BNC2: variants seen among roughly 807,000 people sequenced by gnomAD.
The protein encoded by BNC2 is basonuclin zinc finger protein 2.
BNC2 carries 20 observed loss-of-function variants against 76.3 expected under a neutral mutation model. The observed-to-expected ratio is 0.26, with a 90% CI of 0.18 to 0.38. BNC2 has a LOEUF of 0.38. Ranked by LOEUF, BNC2 falls within the 10% of genes least tolerant of loss-of-function variation. BNC2 has a pLI of 1.00. For synonymous variants in BNC2, 582 were observed against 514.8 expected, an observed-to-expected ratio of 1.13 and a Z score of -1.77; for missense variants, 1,382 against 1,399.8, an observed-to-expected ratio of 0.99 and a Z score of 0.20.
At chr9:16,789,597 T>C (rs1364769220) in intron 1 of BNC2, among the ~76,000 whole-genome samples, 2 of 152,128 alleles carry the variant, frequency 1.3e-5, no homozygotes, top group Non-Finnish European at 2.9e-5. Flanking sequence ...TCTCCCTGCT[T>C]CTCCCACCTC....
At chr9:16,726,542 T>TA (rs1394067769) in intron 3 of BNC2, among the ~76,000 whole-genome samples, 2 of 132,712 alleles carry the variant, frequency 1.5e-5, no homozygotes, top group African/African-American at 2.8e-5. Context: ...CGTGAACTCT[T>TA]ACAAACAAAA....
At chr9:16,516,544 G>T (rs916368522) in intron 5 of BNC2, among the ~76,000 whole-genome samples, 1 of 152,102 alleles carries the variant, frequency 6.6e-6, no homozygotes, top group African/African-American at 2.4e-5. Context: ...CCCCAATACA[G>T]GGTGAGAACT....
chr9:16,719,599 G>A (rs1316027945), intron 3 of BNC2, among the ~76,000 whole-genome samples: 2 of 152,156 alleles, frequency 1.3e-5, no homozygotes, highest in Non-Finnish European at 2.9e-5. Context: ...AAAAAGCACA[G>A]CAGGTAACAA....
At chr9:16,847,964 G>A (rs1819028758) in intron 1 of BNC2, among the ~76,000 whole-genome samples, 1 of 152,106 alleles carries the variant, frequency 6.6e-6, no homozygotes, top group South Asian at 2.1e-4. Context: ...AATCTCAAAA[G>A]ACTGAAACAA....
At chr9:16,507,073 C>T (rs1192575659) in intron 5 of BNC2, among the ~76,000 whole-genome samples, 2 of 151,986 alleles carry the variant, frequency 1.3e-5, no homozygotes, top group East Asian at 3.9e-4. Context: ...CTATAAGGCC[C>T]GCCTGACCTT....
chr9:16,810,379 A>G (rs1318221450), intron 1 of BNC2, among the ~76,000 whole-genome samples: 1 of 152,206 alleles, frequency 6.6e-6, no homozygotes, highest in African/African-American at 2.4e-5. Flanking sequence ...GGAGTCGTGA[A>G]AAGACCAGTC....
intron 1 of BNC2, among the ~76,000 whole-genome samples, chr9:16,793,231 C>T (rs1817559768): frequency 6.6e-6 from 1 of 152,206 alleles, no homozygotes; most frequent in Admixed American, 6.5e-5. Context: ...CAACACTTTA[C>T]ATTCTTTTTT....
In BNC2 at chr9:16,417,351, CCT is replaced by C. The variant is rs1258102063; in HGVS notation, c.*1636_*1637del. 6.6e-6 allele frequency: 1 copy of C among 152,460 alleles called. No homozygotes were observed. The highest frequency in any genetic ancestry group is 1.5e-5 in the Non-Finnish European group (1 of 68,052). 9.4% of individuals were successfully genotyped at this position (152,460 alleles called of 1,614,324 possible). A position where few individuals can be genotyped will look rare whatever the true frequency, so the allele number is the denominator to read the frequency against. ...AAAAGGTTTGGAGAATAGTCTCTCT[CCT>C]CTTTCTCACTCTCAATTGCTTGGTT... On this transcript the variant is annotated 3_prime_UTR_variant, in exon 7 of 7. Transcript: ENST00000380672.
chr9:16,744,872 T>A (rs1172688896), intron 1 of BNC2, among the ~76,000 whole-genome samples: 4 of 152,220 alleles, frequency 2.6e-5, no homozygotes, highest in African/African-American at 9.6e-5. Context: ...TATGCAAACA[T>A]ATGTACATGA....
chr9:16,617,926 C>T (rs898554405), intron 3 of BNC2, among the ~76,000 whole-genome samples: 13 of 152,322 alleles, frequency 8.5e-5, no homozygotes, highest in Non-Finnish European at 1.5e-4. Flanking sequence ...CAAACCTAAG[C>T]AGCCTGGCTC....
intron 2 of BNC2, among the ~76,000 whole-genome samples, chr9:16,732,577 A>C (rs1404418404): frequency 1.3e-5 from 2 of 152,214 alleles, no homozygotes; most frequent in African/African-American, 4.8e-5. Flanking sequence ...TGGTTCACAG[A>C]ACAATACCTG....
At chr9:16,512,862 G>A (rs913918144) in intron 5 of BNC2, among the ~76,000 whole-genome samples, 3 of 152,112 alleles carry the variant, frequency 2.0e-5, no homozygotes, top group East Asian at 1.9e-4. Flanking sequence ...ATGGCTGGGC[G>A]TGGTGGCTCA....
At chr9:16,644,721 G>T (rs1356948987) in intron 3 of BNC2, among the ~76,000 whole-genome samples, 1 of 152,192 alleles carries the variant, frequency 6.6e-6, no homozygotes, top group East Asian at 1.9e-4. Flanking sequence ...CAGAAAGACA[G>T]TAAATAAGTA....
At chr9:16,429,833 C>G in intron 6 of BNC2, 1 of 452,712 alleles carries the variant, frequency 2.2e-6, no homozygotes, top group Non-Finnish European at 4.4e-6. Flanking sequence ...TGGTGCAGTT[C>G]TTGTAGTGGA....
At chr9:16,865,035 G>GA (rs5896712) in intron 1 of BNC2, among the ~76,000 whole-genome samples, 10,802 of 130,946 alleles carry the variant, frequency 0.082, 597 homozygotes, top group Admixed American at 0.18. Flanking sequence ...GCTTTGGACT[G>GA]AAAAAAAAAA....
intron 1 of BNC2, among the ~76,000 whole-genome samples, chr9:16,831,377 T>C (rs7046369): frequency 0.74 from 112,382 of 152,126 alleles, 41,644 homozygotes; most frequent in East Asian, 0.89. Flanking sequence ...AACCAATAAG[T>C]AAAGAGTTCA....
chr9:16,441,737 C>G (rs1429490222), intron 5 of BNC2, among the ~76,000 whole-genome samples: 1 of 152,142 alleles, frequency 6.6e-6, no homozygotes, highest in African/African-American at 2.4e-5. Context: ...GCTGCAACAA[C>G]TAAAGGCATG....
At chr9:16,657,287 AG>A (rs879927253) in intron 3 of BNC2, among the ~76,000 whole-genome samples, 2 of 152,244 alleles carry the variant, frequency 1.3e-5, no homozygotes, top group African/African-American at 2.4e-5. Flanking sequence ...ACAAGGAGTC[AG>A]AAAAATAAAG....
At chr9:16,634,468 A>G (rs371942115) in intron 3 of BNC2, among the ~76,000 whole-genome samples, 1 of 151,592 alleles carries the variant, frequency 6.6e-6, no homozygotes, top group African/African-American at 2.4e-5. Context: ...CCTCTTAGTC[A>G]CCAAATTTAT....
Sources: allele counts gnomAD v4.1 joint callset (sites outside exome capture counted in the v4.1 genomes callset), GRCh38; gene constraint gnomAD v4.1.1; transcripts MANE v1.5; gene names NCBI Gene and HGNC (gene_info 2026-07-23, HGNC 2026-07-21).